MCPH1: variants seen among roughly 807,000 people sequenced by gnomAD.
MCPH1 encodes microcephalin.
Under a neutral mutation model 84.5 loss-of-function variants are expected in MCPH1, and 104 were observed. The observed-to-expected ratio is 1.23, with a 90% CI of 1.05 to 1.45. The LOEUF is 1.45. Among genes scored for constraint, MCPH1 ranks in the 40% most tolerant of loss-of-function variants. The pLI, the probability that MCPH1 is intolerant of heterozygous loss-of-function variation, is 0.00. For missense variants in MCPH1, 1,498 were observed against 1,005.7 expected (o/e 1.49, Z -6.62); for synonymous variants, 514 against 366.8 (o/e 1.40, Z -4.58).
chr8:6,511,255 C>T (rs2442631), intron 12 of MCPH1, among the ~76,000 whole-genome samples: 64,744 of 151,632 alleles, frequency 0.43, 14,062 homozygotes, highest in Middle Eastern at 0.53. Flanking sequence ...AGAATGGCCA[C>T]GTTCTTGAAG....
chr8:6,449,433 A>C (rs1178783886), intron 8 of MCPH1, among the ~76,000 whole-genome samples: 1 of 152,202 alleles, frequency 6.6e-6, no homozygotes, highest in East Asian at 1.9e-4. Flanking sequence ...CAGGAGTTCA[A>C]GACCAACCTG....
At chr8:6,542,677 T>C (rs1397405774) in intron 12 of MCPH1, among the ~76,000 whole-genome samples, 1 of 152,150 alleles carries the variant, frequency 6.6e-6, no homozygotes, top group African/African-American at 2.4e-5. Context: ...AAGATACTGA[T>C]GGCCTTTTAC....
intron 12 of MCPH1, among the ~76,000 whole-genome samples, chr8:6,521,670 T>C (rs906190352): frequency 6.6e-6 from 1 of 152,208 alleles, no homozygotes; most frequent in African/African-American, 2.4e-5. Context: ...GTACCCCATC[T>C]GGTCCAGGAT....
chr8:6,482,595 C>T (rs943924543), intron 11 of MCPH1, among the ~76,000 whole-genome samples: 2 of 152,224 alleles, frequency 1.3e-5, no homozygotes, highest in African/African-American at 4.8e-5. Flanking sequence ...ATTCCTTACC[C>T]AACTTATTCT....
At chr8:6,408,862 A>C (rs1322199669) in intron 1 of MCPH1, among the ~76,000 whole-genome samples, 1 of 150,510 alleles carries the variant, frequency 6.6e-6, no homozygotes, top group Non-Finnish European at 1.5e-5. Context: ...ACACCTGGCC[A>C]GTAGAGTAAA....
At chr8:6,497,246 C>T (rs1010566380) in intron 11 of MCPH1, among the ~76,000 whole-genome samples, 7 of 151,082 alleles carry the variant, frequency 4.6e-5, no homozygotes, top group South Asian at 2.1e-4. Context: ...GTTGAGAGGC[C>T]GAAGCAGGTG....
At chr8:6,497,670 T>C (rs952666260) in intron 11 of MCPH1, among the ~76,000 whole-genome samples, 1 of 152,220 alleles carries the variant, frequency 6.6e-6, no homozygotes, top group Non-Finnish European at 1.5e-5. Context: ...ACAACACATG[T>C]AGCACTCCAG....
Position 6,621,517 on chromosome 8 carries a change from C to A in MCPH1, c.2278C>A (p.Pro760Thr). 1 of 1,614,170 alleles carries A rather than the reference C, an allele frequency of 6.2e-7. No homozygotes were observed. Among genetic ancestry groups the A allele is most frequent in the Non-Finnish European group, 8.5e-7 (1 of 1,180,030 alleles). Reference protein sequence around the residue: ...PYRGTLFADQPAMFVSPASSP... With the variant: ...PYRGTLFADQTAMFVSPASSP... ...CCGCGGAACCCTCTTTGCCGACCAG[C>A]CAGCGATGTTTGTCTCGCCTGCCAG... Residue 760 changes from proline to threonine, a missense_variant, in exon 13 of 14, where the codon CCA becomes ACA. Coordinates refer to ENST00000344683, the MANE Select transcript of MCPH1 (RefSeq NM_024596.5).
At chr8:6,621,298 C>T (rs1831385862) in intron 12 of MCPH1, 156 bp from the exon 13 acceptor site, 4 of 928,232 alleles carry the variant, frequency 4.3e-6, no homozygotes, top group South Asian at 1.5e-5. Flanking sequence ...TCATCATCTT[C>T]TCTGGATTCT....
At chr8:6,514,057 G>C (rs563867876) in intron 12 of MCPH1, among the ~76,000 whole-genome samples, 3 of 152,128 alleles carry the variant, frequency 2.0e-5, no homozygotes, top group Admixed American at 2.0e-4. Context: ...ACTTGTATTA[G>C]GATAATGAGA....
chr8:6,611,458 T>A (rs2959806), intron 12 of MCPH1, among the ~76,000 whole-genome samples: 137,231 of 152,156 alleles, frequency 0.9, 62,297 homozygotes, highest in Middle Eastern at 0.96. Context: ...ATCACAAACG[T>A]TATTTTGAAA....
At chr8:6,492,767 T>C (rs1810790923) in intron 11 of MCPH1, among the ~76,000 whole-genome samples, 1 of 149,916 alleles carries the variant, frequency 6.7e-6, no homozygotes, top group Non-Finnish European at 1.5e-5. Flanking sequence ...ATTATAAAAT[T>C]AATAATCTTT....
At chr8:6,640,825 G>A (rs1432440732) in intron 13 of MCPH1, among the ~76,000 whole-genome samples, 3 of 152,128 alleles carry the variant, frequency 2.0e-5, no homozygotes, top group East Asian at 3.8e-4. Flanking sequence ...GACCTTTAAT[G>A]CATGTGCATT....
At chr8:6,528,165 G>A (rs1014265141) in intron 12 of MCPH1, among the ~76,000 whole-genome samples, 1 of 152,132 alleles carries the variant, frequency 6.6e-6, no homozygotes, top group Non-Finnish European at 1.5e-5. Flanking sequence ...CCATAGTGCT[G>A]GGATTTACAG....
chr8:6,503,088 T>A, intron 12 of MCPH1: 2 of 1,614,020 alleles, frequency 1.2e-6, no homozygotes, highest in Non-Finnish European at 1.7e-6. Flanking sequence ...GTTCCTCAGG[T>A]GGACTGGGAT....
At chr8:6,614,376 C>A (rs1320797168) in intron 12 of MCPH1, among the ~76,000 whole-genome samples, 1 of 152,152 alleles carries the variant, frequency 6.6e-6, no homozygotes, top group Non-Finnish European at 1.5e-5. Flanking sequence ...GCCAGGCTGG[C>A]GCCTCCTCCC....
Position 6,621,516 on chromosome 8 carries a change from G to C in MCPH1, c.2277G>C (p.Gln759His), listed in dbSNP as rs991885863. ...ACCGCGGAACCCTCTTTGCCGACCAGCCAGCGATGTTTGTCTCGCCTGCCA... is the reference window on the plus strand; with the variant it reads ...ACCGCGGAACCCTCTTTGCCGACCACCCAGCGATGTTTGTCTCGCCTGCCA... ...GPYRGTLFAD[Q>H]PAMFVSPASS... The change falls in exon 13 of 14, where the codon CAG becomes CAC. Residue 759 changes from glutamine to histidine, a missense_variant. Coordinates refer to ENST00000344683, the MANE Select transcript of MCPH1 (RefSeq NM_024596.5). 15 of 1,614,074 alleles carry C rather than the reference G, an allele frequency of 9.3e-6. No individual in the cohort carries two copies. Among genetic ancestry groups the C allele is most frequent in the Non-Finnish European group, 1.1e-5 (13 of 1,180,048 alleles).
intron 12 of MCPH1, among the ~76,000 whole-genome samples, chr8:6,612,053 A>C (rs918713326): frequency 3.3e-5 from 5 of 152,120 alleles, no homozygotes; most frequent in Non-Finnish European, 5.9e-5. Flanking sequence ...TTCCTCTGGC[A>C]CTCGGCCCCC....
intron 13 of MCPH1, among the ~76,000 whole-genome samples, chr8:6,641,169 T>C (rs141395649): frequency 3.7e-4 from 57 of 152,354 alleles, no homozygotes; most frequent in African/African-American, 1.2e-3. Context: ...TTGGATTACA[T>C]TGAATTTCTA....
Sources: gnomAD v4.1 joint callset for allele counts (sites outside exome capture counted in the v4.1 genomes callset) on GRCh38, gnomAD v4.1.1 for gene constraint, MANE v1.5 for transcripts, NCBI Gene and HGNC (gene_info 2026-07-23, HGNC 2026-07-21) for gene names.